The following KATNAL2 variants were observed in gnomAD, a reference collection of about 807,000 sequenced individuals.
KATNAL2 encodes the protein katanin p60 ATPase-containing subunit A-like 2.
Under a neutral mutation model 76.3 loss-of-function variants are expected in KATNAL2, and 52 were observed. The ratio of observed to expected loss-of-function variants is 0.68; its 90% CI spans 0.55 to 0.86. The LOEUF is 0.86. Among genes scored for constraint, KATNAL2 ranks in the 40% least tolerant of loss-of-function variants. The probability of loss-of-function intolerance (pLI) is 0.00; values close to 1 mark genes in which losing one functional copy is unlikely to be tolerated. For missense variants in KATNAL2, 660 were observed against 668.9 expected (o/e 0.99, Z 0.15); for synonymous variants, 243 against 244.2 (o/e 1.00, Z 0.05).
chr18:46,942,374 T>C (rs751509344), intron 1 of KATNAL2, among the ~76,000 whole-genome samples: 6 of 152,182 alleles, frequency 3.9e-5, no homozygotes, highest in Non-Finnish European at 7.3e-5. Flanking sequence ...CCCAACACTT[T>C]GGGAGGCCGA....
At chr18:47,057,061 C>A (rs2061492720) in intron 6 of KATNAL2, among the ~76,000 whole-genome samples, 1 of 152,026 alleles carries the variant, frequency 6.6e-6, no homozygotes, top group Admixed American at 6.5e-5. Context: ...GACCAACACT[C>A]ACAGATGTGT....
intron 3 of KATNAL2, among the ~76,000 whole-genome samples, chr18:46,952,047 A>G (rs2059573590): frequency 6.6e-6 from 1 of 152,056 alleles, no homozygotes. Context: ...TGCTGGGATT[A>G]CAGGCATGAG....
intron 11 of KATNAL2, 70 bp downstream of exon 11, chr18:47,067,189 C>A: frequency 2.8e-6 from 2 of 703,132 alleles, no homozygotes; most frequent in Non-Finnish European, 2.4e-6. Context: ...TGTCACACAA[C>A]TATCAGGAAG....
At chr18:47,041,957 G>A (rs1197443904) in intron 3 of KATNAL2, among the ~76,000 whole-genome samples, 4 of 152,158 alleles carry the variant, frequency 2.6e-5, no homozygotes, top group Non-Finnish European at 5.9e-5. Context: ...TTGATGATGT[G>A]ATGTTGTCTT....
At chr18:47,077,617 G>T in intron 15 of KATNAL2, 156 bp downstream of exon 15, 1 of 608,524 alleles carries the variant, frequency 1.6e-6, no homozygotes. Flanking sequence ...CCCAATCCTT[G>T]CTGTCTGTAC....
At chr18:46,939,581 G>A (rs2146614521) in intron 1 of KATNAL2, among the ~76,000 whole-genome samples, 1 of 152,124 alleles carries the variant, frequency 6.6e-6, no homozygotes, top group Non-Finnish European at 1.5e-5. Flanking sequence ...CCTTCTTATA[G>A]GCCCTGCAGA....
At chr18:46,925,945 T>C (rs1342778537) in intron 1 of KATNAL2, among the ~76,000 whole-genome samples, 1 of 152,208 alleles carries the variant, frequency 6.6e-6, no homozygotes, top group Admixed American at 6.5e-5. Flanking sequence ...CTTTATCATT[T>C]TTTATTGCGT....
At position 47,059,602 on chromosome 18, in the gene KATNAL2, A is replaced by G. The variant is rs1239723543; in HGVS notation, c.497A>G (p.His166Arg). ...CTGGAAAGTGCCAACTTCGGCCTAC[A>G]TATATCAAGAATCCGTAAAGACAGT... ...TRLESANFGL[H>R]ISRIRKDSGE... The change falls in exon 8 of 18, where the codon CAT becomes CGT. Residue 166 changes from histidine (H) to arginine (R), a missense_variant. Physicochemically the swap from His to Arg is conservative, Grantham distance 29 (BLOSUM62 0). Coordinates refer to ENST00000683218, the MANE Select transcript of KATNAL2 (RefSeq NM_001387690.1). The G allele has an allele frequency of 3.7e-6, 6 of 1,613,828 alleles. No homozygotes were observed. The highest frequency in any genetic ancestry group is 2.2e-5 in the East Asian group (1 of 44,880).
chr18:46,932,673 CAAAAAAAAAAAAAA>C (rs1162695359), intron 1 of KATNAL2, among the ~76,000 whole-genome samples: 1 of 42,854 alleles, frequency 2.3e-5, no homozygotes, highest in African/African-American at 9.0e-5. Context: ...GACTCTGTCT[CAAAAAAAAAAAAAA>C]AAAAAAAAAA....
intron 2 of KATNAL2, 27 bp from the exon 3 acceptor site, chr18:46,946,827 A>T: frequency 4.6e-6 from 7 of 1,527,040 alleles, no homozygotes; most frequent in Non-Finnish European, 5.3e-6. Context: ...TCAGCCCAGT[A>T]ACTGACTACT....
At position 47,101,541 on chromosome 18, in the gene KATNAL2, T is replaced by G. The variant is rs2063438718; in HGVS notation, c.*536T>G. Reference sequence around the variant, plus strand: ...CCCTAATTCTGACTCCATCCAGCTTTGTCAGCAGCAAACCCCTCCCAAACT... The same window carrying G: ...CCCTAATTCTGACTCCATCCAGCTTGGTCAGCAGCAAACCCCTCCCAAACT... On this transcript the variant is annotated 3_prime_UTR_variant, in exon 18 of 18. Transcript: ENST00000683218. The G allele has an allele frequency of 6.5e-6, 1 of 154,456 alleles. No homozygotes were observed. Among genetic ancestry groups the G allele is most frequent in the Admixed American group, 6.3e-5 (1 of 15,756 alleles). 9.6% of individuals were successfully genotyped at this position (154,456 alleles called of 1,614,324 possible).
At chr18:46,920,735 C>A (rs1206225149) in intron 1 of KATNAL2, among the ~76,000 whole-genome samples, 1 of 152,146 alleles carries the variant, frequency 6.6e-6, no homozygotes, top group African/African-American at 2.4e-5. Flanking sequence ...CTGTTGTGAT[C>A]ATTTCTGCTC....
At chr18:46,961,858 T>A (rs1363442366) in intron 3 of KATNAL2, among the ~76,000 whole-genome samples, 1 of 152,182 alleles carries the variant, frequency 6.6e-6, no homozygotes, top group South Asian at 2.1e-4. Context: ...TCAGTGATTA[T>A]TTTTAGGAGG....
intron 13 of KATNAL2, among the ~76,000 whole-genome samples, chr18:47,072,939 T>A (rs1007603334): frequency 1.1e-4 from 16 of 152,178 alleles, no homozygotes; most frequent in Non-Finnish European, 1.8e-4. Flanking sequence ...GATGGGCCTT[T>A]AGATTGTTTC....
intron 1 of KATNAL2, among the ~76,000 whole-genome samples, chr18:46,933,207 A>T (rs1332019784): frequency 6.6e-6 from 1 of 152,232 alleles, no homozygotes; most frequent in Non-Finnish European, 1.5e-5. Context: ...GATTAAAAAA[A>T]ATAGAAGCAA....
intron 14 of KATNAL2, among the ~76,000 whole-genome samples, chr18:47,075,687 C>A (rs1202577645): frequency 6.6e-6 from 1 of 152,154 alleles, no homozygotes; most frequent in East Asian, 1.9e-4. Flanking sequence ...TGAAAATAGC[C>A]GCTGTGATGG....
At chr18:47,060,694 C>A (rs1210602026) in intron 8 of KATNAL2, among the ~76,000 whole-genome samples, 1 of 152,094 alleles carries the variant, frequency 6.6e-6, no homozygotes, top group African/African-American at 2.4e-5. Flanking sequence ...AAAAACTGAA[C>A]TCTGTGTGTG....
At chr18:46,929,474 C>T (rs1485079220) in intron 1 of KATNAL2, among the ~76,000 whole-genome samples, 1 of 151,688 alleles carries the variant, frequency 6.6e-6, no homozygotes, top group African/African-American at 2.4e-5. Context: ...AACTCCTGGC[C>T]TCAGGTGATC....
At chr18:46,955,105 C>T (rs200889770) in intron 3 of KATNAL2, among the ~76,000 whole-genome samples, 24 of 143,890 alleles carry the variant, frequency 1.7e-4, no homozygotes, top group Admixed American at 4.3e-4. Flanking sequence ...CTCCCTCCCT[C>T]CCTTCCTTCC....
Sources: gnomAD v4.1 joint callset for allele counts (sites outside exome capture counted in the v4.1 genomes callset) on GRCh38, gnomAD v4.1.1 for gene constraint, MANE v1.5 for transcripts, NCBI Gene and HGNC (gene_info 2026-07-23, HGNC 2026-07-21) for gene names.